Variants in R3HDM1 observed in about 807,000 individuals in gnomAD.
R3HDM1 encodes the protein R3H domain-containing protein 1.
R3HDM1 carries 46 observed loss-of-function variants against 141.1 expected under a neutral mutation model. The ratio of observed to expected loss-of-function variants is 0.33; its 90% CI spans 0.26 to 0.42. The LOEUF is 0.42. Among genes scored for constraint, R3HDM1 ranks in the 10% least tolerant of loss-of-function variants. The pLI, the probability that R3HDM1 is intolerant of heterozygous loss-of-function variation, is 1.00. For missense variants in R3HDM1, 1,184 were observed against 1,368.3 expected, an observed-to-expected ratio of 0.87 and a Z score of 2.12; for synonymous variants, 435 against 472.9, an observed-to-expected ratio of 0.92 and a Z score of 1.04.
At chr2:135,609,818 G>A (rs1476899072) in intron 3 of R3HDM1, among the ~76,000 whole-genome samples, 1 of 152,080 alleles carries the variant, frequency 6.6e-6, no homozygotes, top group Non-Finnish European at 1.5e-5. Flanking sequence ...TAAGGCAAGC[G>A]GATCGCTTGA....
At chr2:135,531,738 A>C (rs545544928) in intron 1 of R3HDM1, 105 bp downstream of exon 1, 2 of 985,786 alleles carry the variant, frequency 2.0e-6, no homozygotes, top group South Asian at 9.4e-5. Flanking sequence ...GGAGGCAGGC[A>C]GGGGAGAGAT....
At chr2:135,634,258 C>A (rs533989982) in intron 9 of R3HDM1, among the ~76,000 whole-genome samples, 1 of 152,218 alleles carries the variant, frequency 6.6e-6, no homozygotes, top group East Asian at 1.9e-4. Flanking sequence ...ATAATTCTCA[C>A]TTTTAATCTC....
chr2:135,653,130 C>T (rs1353568810), intron 18 of R3HDM1, among the ~76,000 whole-genome samples: 3 of 150,492 alleles, frequency 2.0e-5, no homozygotes, highest in African/African-American at 4.9e-5. Context: ...CTGAGGCAGG[C>T]GAATCACTTG....
intron 21 of R3HDM1, among the ~76,000 whole-genome samples, chr2:135,699,056 GATAGATT>G (rs2073828780): frequency 2.3e-5 from 3 of 130,226 alleles, no homozygotes; most frequent in Admixed American, 1.6e-4. Flanking sequence ...AGATAGATAA[GATAGATT>G]GATTAGATAG....
chr2:135,695,876 T>C (rs983760154), intron 21 of R3HDM1, among the ~76,000 whole-genome samples: 5 of 152,184 alleles, frequency 3.3e-5, no homozygotes, highest in East Asian at 1.9e-4. Flanking sequence ...CCAATGGAAA[T>C]TGGTGGTACA....
rs951245718 is a variant in R3HDM1 at position 135,661,471 on chromosome 2, G to T, written c.2152+78G>T. 6.6e-6 allele frequency: 10 copies of T among 1,511,842 alleles called. No individual in the cohort carries two copies. The African/African-American group carries it at 1.2e-4, about 19-fold the overall frequency. The allele number at this position is 1,511,842 out of a possible 1,614,324, so 93.7% of individuals were successfully genotyped here. ...CTATTTCAGTGTTGCTCTTAAGATA[G>T]TACCTACTCAGTCTCTCAGGATCTC... On this transcript the variant is annotated intron_variant, in intron 19 of 26. Coordinates refer to ENST00000683871, the MANE Select transcript of R3HDM1 (RefSeq NM_001378107.1).
intron 21 of R3HDM1, among the ~76,000 whole-genome samples, chr2:135,681,646 C>T (rs1288510767): frequency 2.0e-5 from 3 of 152,094 alleles, no homozygotes; most frequent in South Asian, 2.1e-4. Flanking sequence ...CAGAAAATGG[C>T]GTTAGCATGA....
chr2:135,593,327 G>A (rs748748647), intron 1 of R3HDM1, among the ~76,000 whole-genome samples: 1 of 152,140 alleles, frequency 6.6e-6, no homozygotes, highest in Non-Finnish European at 1.5e-5. Context: ...GGAGCTCTCA[G>A]TATAACCCTG....
chr2:135,695,711 T>C (rs1425575807), intron 21 of R3HDM1, among the ~76,000 whole-genome samples: 2 of 151,042 alleles, frequency 1.3e-5, no homozygotes, highest in African/African-American at 2.5e-5. Context: ...ACATCTTTAT[T>C]TGAAGAAGTG....
intron 23 of R3HDM1, among the ~76,000 whole-genome samples, chr2:135,713,211 A>C (rs1194969377): frequency 6.6e-6 from 1 of 152,166 alleles, no homozygotes; most frequent in Non-Finnish European, 1.5e-5. Flanking sequence ...CAAAAAAAAC[A>C]AAAGGAGGGG....
intron 7 of R3HDM1, among the ~76,000 whole-genome samples, chr2:135,629,245 G>A (rs1342816921): frequency 6.6e-6 from 1 of 152,108 alleles, no homozygotes; most frequent in Non-Finnish European, 1.5e-5. Flanking sequence ...GAACCCGGGA[G>A]GCAGAGGTTG....
intron 1 of R3HDM1, among the ~76,000 whole-genome samples, chr2:135,595,996 CTTCTTT>C (rs1415200553): frequency 2.6e-5 from 4 of 152,088 alleles, no homozygotes; most frequent in South Asian, 4.2e-4. Context: ...TACTAAGTTT[CTTCTTT>C]TTCTTTTTCT....
intron 1 of R3HDM1, among the ~76,000 whole-genome samples, chr2:135,557,115 C>G (rs532830299): frequency 6.6e-6 from 1 of 152,164 alleles, no homozygotes; most frequent in South Asian, 2.1e-4. Context: ...TAATCAGTGA[C>G]TTTTAAACCT....
At chr2:135,664,537 T>C (rs1219412138) in intron 19 of R3HDM1, among the ~76,000 whole-genome samples, 1 of 152,192 alleles carries the variant, frequency 6.6e-6, no homozygotes, top group Non-Finnish European at 1.5e-5. Flanking sequence ...TTAGACCAGA[T>C]AGGGTATGGG....
intron 21 of R3HDM1, among the ~76,000 whole-genome samples, chr2:135,690,791 A>T (rs556079717): frequency 6.6e-6 from 1 of 152,130 alleles, no homozygotes; most frequent in East Asian, 1.9e-4. Flanking sequence ...TTTATTAGTA[A>T]ATTGTTTTAT....
intron 19 of R3HDM1, chr2:135,670,122 G>C (rs1378638757): frequency 9.5e-5 from 17 of 178,500 alleles, no homozygotes; most frequent in Non-Finnish European, 1.3e-4. Context: ...AGAGCAGACA[G>C]AGCAAGACTC....
intron 6 of R3HDM1, 193 bp from the exon 7 acceptor site, chr2:135,622,461 C>T: frequency 2.0e-6 from 2 of 983,678 alleles, no homozygotes; most frequent in Non-Finnish European, 2.4e-6. Context: ...TATATAAACT[C>T]ATGTCATGCA....
chr2:135,587,233 G>A (rs766421352), intron 1 of R3HDM1, among the ~76,000 whole-genome samples: 5 of 152,152 alleles, frequency 3.3e-5, no homozygotes, highest in Non-Finnish European at 5.9e-5. Context: ...TCATGTAGGT[G>A]ATACTGAATG....
intron 24 of R3HDM1, among the ~76,000 whole-genome samples, chr2:135,720,358 G>A (rs988413195): frequency 2.6e-5 from 4 of 152,244 alleles, no homozygotes; most frequent in African/African-American, 9.6e-5. Context: ...TTTCTGTTAT[G>A]AAGCTCTCAG....
Sources: allele counts gnomAD v4.1 joint callset (sites outside exome capture counted in the v4.1 genomes callset), GRCh38; gene constraint gnomAD v4.1.1; transcripts MANE v1.5; gene names NCBI Gene and HGNC (gene_info 2026-07-23, HGNC 2026-07-21).